AGO1: variants seen among roughly 807,000 people sequenced by gnomAD.
The protein encoded by AGO1 is protein argonaute-1.
AGO1 carries 11 observed loss-of-function variants against 109.2 expected under a neutral mutation model. That is an observed-to-expected ratio of 0.10 (90% confidence interval 0.06 to 0.17). The LOEUF (loss-of-function observed/expected upper bound fraction) is 0.17, where lower values mean the gene tolerates loss of function less well. Among genes scored for constraint, AGO1 ranks in the 10% least tolerant of loss-of-function variants. AGO1 has a pLI of 1.00. For synonymous variants in AGO1, 422 were observed against 418.6 expected (o/e 1.01, Z -0.10); for missense variants, 574 against 1,140.3 (o/e 0.50, Z 7.15).
rs1398207368 is a variant in AGO1, at chr1:35,894,432, T to C, written c.872+30T>C. ...GTTGGCAGGGGTGCTGAGTCATACT[T>C]TGTTGGTGGAGAAGGGCTGAGATTT... On this transcript the variant is annotated intron_variant, in intron 7 of 18. Coordinates refer to ENST00000373204, the MANE Select transcript of AGO1 (RefSeq NM_012199.5). 3 of 1,607,592 alleles carry C rather than the reference T, an allele frequency of 1.9e-6. No homozygotes were observed. In the African/African-American group the frequency reaches 4.0e-5, roughly 21 times the overall value.
chr1:35,907,423 G>A (rs544086246), intron 12 of AGO1, among the ~76,000 whole-genome samples: 3 of 152,072 alleles, frequency 2.0e-5, no homozygotes, highest in East Asian at 1.9e-4. Context: ...TTAGGAGTGC[G>A]TTCCTGTCCT....
Position 35,920,286 on chromosome 1 carries a change from A to G in AGO1, c.*679A>G, listed in dbSNP as rs1045968353. 1.3e-5 allele frequency: 2 copies of G among 152,492 alleles called. No individual in the cohort carries two copies. Among genetic ancestry groups the G allele is most frequent in the Non-Finnish European group, 1.5e-5 (1 of 68,080 alleles). 9.4% of individuals were successfully genotyped at this position (152,492 alleles called of 1,614,324 possible). A position where few individuals can be genotyped will look rare whatever the true frequency, so the allele number is the denominator to read the frequency against. On this transcript the variant is annotated 3_prime_UTR_variant, in exon 19 of 19. Coordinates refer to ENST00000373204, the MANE Select transcript of AGO1 (RefSeq NM_012199.5). ...CCCCACCTTACTTCTCCTCCCTGAC[A>G]GACATCCAGCCCCTAGTAATACTTA...
At chr1:35,917,868 T>G (rs1645762863) in intron 16 of AGO1, 141 bp downstream of exon 16, 1 of 1,231,226 alleles carries the variant, frequency 8.1e-7, no homozygotes, top group Admixed American at 2.4e-5. Flanking sequence ...CTAGCTCTTG[T>G]GGTCCTTCCT....
At chr1:35,880,426 G>A (rs1364854442), upstream of AGO1, among the ~76,000 whole-genome samples, 2 of 152,102 alleles carry the variant, frequency 1.3e-5, no homozygotes, top group African/African-American at 4.8e-5. Flanking sequence ...GTCAGGCATG[G>A]TGGCATGCAC....
At chr1:35,907,164 C>T (rs766255250) in intron 12 of AGO1, 45 bp downstream of exon 12, 2 of 1,535,022 alleles carry the variant, frequency 1.3e-6, no homozygotes, top group Non-Finnish European at 1.8e-6. Flanking sequence ...GGACTCTTCT[C>T]AGCGTAGTTC....
At chr1:35,872,646 C>T (rs1644961418) in intron 1 of AGO1, among the ~76,000 whole-genome samples, 1 of 151,880 alleles carries the variant, frequency 6.6e-6, no homozygotes, top group Admixed American at 6.6e-5. Context: ...GATCATAGCT[C>T]ACTGTAACCT....
rs1490476437 is a variant in AGO1 at position 35,930,101 on chromosome 1, CA to C, written c.*10497del. 6.6e-6 allele frequency: 1 copy of C among 152,094 alleles called. No homozygotes were observed. The highest frequency in any genetic ancestry group is 1.5e-5 in the Non-Finnish European group (1 of 68,004). The allele number at this position is 152,094 out of a possible 1,614,324, so 9.4% of individuals were successfully genotyped here. ...AAAATAGTATGTTTCATTAAGGCAA[CA>C]AATATTTATTAAGGACCTAATATTT... On this transcript the variant is annotated 3_prime_UTR_variant, in exon 19 of 19. Coordinates refer to ENST00000373204, the MANE Select transcript of AGO1 (RefSeq NM_012199.5).
intron 8 of AGO1, among the ~76,000 whole-genome samples, chr1:35,897,156 G>C (rs1272198650): frequency 6.6e-6 from 1 of 152,184 alleles, no homozygotes; most frequent in Non-Finnish European, 1.5e-5. Flanking sequence ...TGATAAACAC[G>C]TAAAGTAGTT....
In AGO1 at chr1:35,883,685, C is replaced by G. The variant is rs1426850187; in HGVS notation, c.25+239C>G. 6.6e-6 allele frequency among the ~76,000 whole-genome samples: 1 copy of G among 152,172 alleles called. No homozygotes were observed. The highest frequency in any genetic ancestry group is 1.5e-5 in the Non-Finnish European group (1 of 68,028). On this transcript the variant is annotated intron_variant, in intron 1 of 18. Coordinates refer to ENST00000373204, the MANE Select transcript of AGO1 (RefSeq NM_012199.5). This position sits in a 1 kb window ranked among gnomAD's most constrained non-coding sequence, Gnocchi z 5.4. ...TACAGTCCTGCGGGTTGGAAGTAAT[C>G]TGGGAGAAGGGCCTGCACGCACGGA...
rs1018817502 is a variant in AGO1, at chr1:35,893,359, C to G, written c.512+81C>G. 2 of 1,458,886 alleles carry G rather than the reference C, an allele frequency of 1.4e-6. No homozygotes were observed. Among genetic ancestry groups the G allele is most frequent in the Admixed American group, 4.5e-5 (2 of 44,786 alleles). 90.4% of individuals were successfully genotyped at this position (1,458,886 alleles called of 1,614,324 possible). A position where few individuals can be genotyped will look rare whatever the true frequency, so the allele number is the denominator to read the frequency against. The stretch of plus-strand genomic sequence containing the variant: ...GAGGAGGGGGAGCACATATTAAGGT[C>G]CCACAGAGTGCCATTAAAAAAAAAA... On this transcript the variant is annotated intron_variant, in intron 4 of 18. Coordinates refer to ENST00000373204, the MANE Select transcript of AGO1 (RefSeq NM_012199.5). The surrounding 1 kb of genome is among the most constrained non-coding windows in gnomAD (Gnocchi z 5.6).
At chr1:35,917,792 C>A in intron 16 of AGO1, 65 bp downstream of exon 16, 2 of 1,563,828 alleles carry the variant, frequency 1.3e-6, no homozygotes, top group Non-Finnish European at 1.7e-6. Context: ...AGAGAAGAAG[C>A]CCTTGAGATA....
intron 14 of AGO1, 128 bp from the exon 15 acceptor site, chr1:35,915,219 AG>A: frequency 1.4e-6 from 1 of 689,780 alleles, no homozygotes; most frequent in Non-Finnish European, 2.4e-6. Context: ...GATTGAAACC[AG>A]GGCTCACTGA....
At chr1:35,895,076 T>G (rs771775885) in intron 7 of AGO1, 46 bp from the exon 8 acceptor site, 1 of 1,565,188 alleles carries the variant, frequency 6.4e-7, no homozygotes. Context: ...GAAGTGGGAC[T>G]GAATGCTGGG....
intron 16 of AGO1, among the ~76,000 whole-genome samples, 171 bp downstream of exon 16, chr1:35,917,898 T>C (rs1384982420): frequency 6.6e-6 from 1 of 151,972 alleles, no homozygotes; most frequent in Non-Finnish European, 1.5e-5. Context: ...CCTTCACTAG[T>C]GTCCACCTCC....
At chr1:35,890,890 C>T (rs1270756876) in intron 2 of AGO1, among the ~76,000 whole-genome samples, 3 of 151,878 alleles carry the variant, frequency 2.0e-5, no homozygotes, top group East Asian at 1.9e-4. Flanking sequence ...AATATATTTT[C>T]GTATGTTTAA....
At position 35,883,418 on chromosome 1, in the gene AGO1, T is replaced by G; in HGVS notation, c.-4T>G. On this transcript the variant is annotated 5_prime_UTR_variant, in exon 1 of 19. The change abolishes an upstream ATG in the 5' untranslated region. Coordinates refer to ENST00000373204, the MANE Select transcript of AGO1 (RefSeq NM_012199.5). The surrounding 1 kb of genome is among the most constrained non-coding windows in gnomAD (Gnocchi z 5.4). ...GCCGCCTGACCTCCGCACGGGTATA[T>G]GGGATGGAAGCGGGACCCTCGGGAG... 1.3e-6 allele frequency: 2 copies of G among 1,576,982 alleles called. No individual in the cohort carries two copies.
intron 12 of AGO1, among the ~76,000 whole-genome samples, chr1:35,912,919 A>T (rs1045479776): frequency 6.6e-6 from 1 of 151,772 alleles, no homozygotes; most frequent in South Asian, 2.1e-4. Flanking sequence ...TATCCATAAA[A>T]ATTTTCTTTT....
intron 1 of AGO1, among the ~76,000 whole-genome samples, chr1:35,872,216 C>T (rs1295264688): frequency 2.1e-5 from 3 of 144,046 alleles, no homozygotes; most frequent in Admixed American, 7.0e-5. Flanking sequence ...GACGGAGTCT[C>T]GCTCTGTCAC....
In AGO1 at chr1:35,901,355, G is replaced by A. The variant is rs891812617; in HGVS notation, c.1021-119G>A. 5 of 1,279,478 alleles carry A rather than the reference G, an allele frequency of 3.9e-6. No homozygotes were observed. Among genetic ancestry groups the A allele is most frequent in the Non-Finnish European group, 5.5e-6 (5 of 906,578 alleles). 79.3% of individuals were successfully genotyped at this position (1,279,478 alleles called of 1,614,324 possible). ...GGAGGAGAATACATGTATGCACAAC[G>A]GATTTTGCAGTTCCCTTCCCCATGG... On this transcript the variant is annotated intron_variant, in intron 8 of 18. Coordinates refer to ENST00000373204, the MANE Select transcript of AGO1 (RefSeq NM_012199.5). The surrounding 1 kb of genome is among the most constrained non-coding windows in gnomAD (Gnocchi z 4.8).
Sources: allele counts gnomAD v4.1 joint callset (sites outside exome capture counted in the v4.1 genomes callset), GRCh38; gene constraint gnomAD v4.1.1; non-coding constraint Gnocchi (gnomAD v3.1); transcripts MANE v1.5; gene names NCBI Gene and HGNC (gene_info 2026-07-23, HGNC 2026-07-21).